The following STX11 variants were observed in gnomAD, a reference collection of about 807,000 sequenced individuals.
STX11 encodes the protein syntaxin 11.
STX11 carries 21 observed loss-of-function variants against 19.9 expected under a neutral mutation model. The ratio of observed to expected loss-of-function variants is 1.06; its 90% CI spans 0.75 to 1.52. The LOEUF (loss-of-function observed/expected upper bound fraction) is 1.52, where lower values mean the gene tolerates loss of function less well. STX11 is among the 40% of genes most tolerant of loss of function. The probability of loss-of-function intolerance (pLI) is 0.00; values close to 1 mark genes in which losing one functional copy is unlikely to be tolerated. For missense variants in STX11, 438 were observed against 405.9 expected, an observed-to-expected ratio of 1.08 and a Z score of -0.68; for synonymous variants, 193 against 174.4, an observed-to-expected ratio of 1.11 and a Z score of -0.84.
rs1350753179 is a variant in STX11, at chr6:144,184,017, A to T, written c.-5-2606A>T. 6.6e-6 allele frequency among the ~76,000 whole-genome samples: 1 copy of T among 152,176 alleles called. No individual in the cohort carries two copies. Among genetic ancestry groups the T allele is most frequent in the African/African-American group, 2.4e-5 (1 of 41,422 alleles). ...CTGTTCCTGCATTAGTTTGCTGAGG[A>T]TAATGGCTTCCAGCTTCATCCATGT... On this transcript the variant is annotated intron_variant, in intron 1 of 1. Transcript: ENST00000367568. This position sits in a 1 kb window ranked among gnomAD's most constrained non-coding sequence, Gnocchi z 6.5.
At chr6:144,181,768 G>A (rs1399821135) in intron 1 of STX11, among the ~76,000 whole-genome samples, 1 of 152,106 alleles carries the variant, frequency 6.6e-6, no homozygotes, top group Non-Finnish European at 1.5e-5. Context: ...GTCACCTCTT[G>A]CAGACCGAGG....
upstream of STX11, among the ~76,000 whole-genome samples, chr6:144,146,195 G>C (rs748169642): frequency 6.6e-6 from 1 of 152,104 alleles, no homozygotes; most frequent in Non-Finnish European, 1.5e-5. The surrounding 1 kb of genome is among the most constrained non-coding windows in gnomAD (Gnocchi z 4.4). Flanking sequence ...AATTAGGAAC[G>C]GCACTAGCGT....
In STX11 at chr6:144,153,678, CTG is replaced by C. The variant is rs1801062818; in HGVS notation, c.-6+2977_-6+2978del. On this transcript the variant is annotated intron_variant, in intron 1 of 1. Transcript: ENST00000367568. This position sits in a 1 kb window ranked among gnomAD's most constrained non-coding sequence, Gnocchi z 5.0. ...TGACCCTAGGAAGACACCGTGGAAA[CTG>C]TTGTCATATTGCAGATGGGACATTG... Among the ~76,000 whole-genome samples, 1 of 152,286 alleles carries C rather than the reference CTG, an allele frequency of 6.6e-6. No homozygotes were observed. The highest frequency in any genetic ancestry group is 2.4e-5 in the African/African-American group (1 of 41,550).
Position 144,187,285 on chromosome 6 carries a change from C to A in STX11, c.658C>A (p.Arg220Ser). The A allele has an allele frequency of 6.2e-7, 1 of 1,613,090 alleles. No individual in the cohort carries two copies. The highest frequency in any genetic ancestry group is 8.5e-7 in the Non-Finnish European group (1 of 1,179,954). ...CCGCGAACTGCTGCGCCTGGAGAGCCGCATCCGCGACGTACACGAGCTCTT... is the reference window on the plus strand; with the variant it reads ...CCGCGAACTGCTGCGCCTGGAGAGCAGCATCCGCGACGTACACGAGCTCTT... The part of the protein sequence containing the change: ...RHRELLRLES[R>S]IRDVHELFLQ... The change falls in exon 2 of 2, where the codon CGC becomes AGC. Residue 220 changes from arginine (R) to serine (S), a missense_variant. By Grantham distance (110) the Arg-to-Ser change is moderately radical. Transcript: ENST00000367568. This position sits in a 1 kb window ranked among gnomAD's most constrained non-coding sequence, Gnocchi z 5.6.
intron 1 of STX11, among the ~76,000 whole-genome samples, chr6:144,181,133 T>C (rs1300545546): frequency 6.6e-6 from 1 of 152,210 alleles, no homozygotes; most frequent in Non-Finnish European, 1.5e-5. Context: ...TTAGCCTCCA[T>C]ACCAGGGAGC....
upstream of STX11, among the ~76,000 whole-genome samples, chr6:144,148,134 C>A (rs1488630400): frequency 6.6e-6 from 1 of 152,180 alleles, no homozygotes; most frequent in Admixed American, 6.5e-5. Context: ...GATAAACATT[C>A]TTCAGTCTTC....
rs1204500898 is a variant in STX11, at chr6:144,154,581, T to C, written c.-6+3878T>C. On this transcript the variant is annotated intron_variant, in intron 1 of 1. Transcript: ENST00000367568. This position sits in a 1 kb window ranked among gnomAD's most constrained non-coding sequence, Gnocchi z 4.7. ...AATGTTTTGTTGCTAAGATTTTCCATAGGGAAGCAGAAAGGCTAGCAAGGG... is the reference window on the plus strand; with the variant it reads ...AATGTTTTGTTGCTAAGATTTTCCACAGGGAAGCAGAAAGGCTAGCAAGGG... Among the ~76,000 whole-genome samples the C allele has an allele frequency of 1.3e-5, 2 of 152,148 alleles. No individual in the cohort carries two copies. The highest frequency in any genetic ancestry group is 2.9e-5 in the Non-Finnish European group (2 of 68,024).
chr6:144,179,683 T>C (rs1006814131), intron 1 of STX11, among the ~76,000 whole-genome samples: 1 of 152,206 alleles, frequency 6.6e-6, no homozygotes, highest in African/African-American at 2.4e-5. Flanking sequence ...CTCACCAGGA[T>C]GCATGCCCTT....
the STX11 span, among the ~76,000 whole-genome samples, chr6:144,143,620 C>T: frequency 6.6e-6 from 1 of 152,114 alleles, no homozygotes; most frequent in South Asian, 2.1e-4. Context: ...ATTCCCTGCC[C>T]CTGTCCTCCT....
rs1485529862 is a variant in STX11, at chr6:144,183,353, G to T, written c.-5-3270G>T. ...GTAGAAGCCAGGACCTCATTATTGT[G>T]CATTTAACTTATTTCTGAATTTCTG... is the stretch of plus-strand genomic sequence containing the variant. On this transcript the variant is annotated intron_variant, in intron 1 of 1. Coordinates refer to ENST00000367568, the MANE Select transcript of STX11 (RefSeq NM_003764.4). This position sits in a 1 kb window ranked among gnomAD's most constrained non-coding sequence, Gnocchi z 4.6. Among the ~76,000 whole-genome samples, 2 of 152,162 alleles carry T rather than the reference G, an allele frequency of 1.3e-5. No individual in the cohort carries two copies. The highest frequency in any genetic ancestry group is 4.8e-5 in the African/African-American group (2 of 41,432).
intron 1 of STX11, among the ~76,000 whole-genome samples, chr6:144,185,207 T>C (rs1052302881): frequency 7.9e-5 from 12 of 152,236 alleles, no homozygotes; most frequent in African/African-American, 2.9e-4. Context: ...TGAAAGGCCG[T>C]GGTTAATATT....
chr6:144,148,694 T>C (rs546620133), upstream of STX11, among the ~76,000 whole-genome samples: 8 of 152,332 alleles, frequency 5.3e-5, no homozygotes, highest in East Asian at 1.5e-3. Context: ...GGATACCACA[T>C]TACATTTAGT....
intron 1 of STX11, among the ~76,000 whole-genome samples, chr6:144,173,595 G>A (rs992697899): frequency 2.6e-5 from 4 of 152,084 alleles, no homozygotes; most frequent in Non-Finnish European, 5.9e-5. Flanking sequence ...TCTCTATCGT[G>A]CAGAACTTCT....
In STX11 at chr6:144,151,534, T is replaced by TG. The variant is rs1801006782; in HGVS notation, c.-6+833dup. The TG allele has an allele frequency of 1.5e-6, 1 of 652,346 alleles. No homozygotes were observed. The highest frequency in any genetic ancestry group is 2.0e-5 in the African/African-American group (1 of 50,630). The allele number at this position is 652,346 out of a possible 1,614,324, so 40.4% of individuals were successfully genotyped here. A position where few individuals can be genotyped will look rare whatever the true frequency, so the allele number is the denominator to read the frequency against. ...TGCCTGCCCTGCCAACCTGGGGCAG[T>TG]GGTATGGGAAGTGACGATTGAGTTT... On this transcript the variant is annotated intron_variant, in intron 1 of 1. Transcript: ENST00000367568. The surrounding 1 kb of genome is among the most constrained non-coding windows in gnomAD (Gnocchi z 4.6).
In STX11 at chr6:144,186,890, C is replaced by T; in HGVS notation, c.263C>T (p.Ser88Phe). The T allele has an allele frequency of 6.2e-7, 1 of 1,612,138 alleles. No individual in the cohort carries two copies. Among genetic ancestry groups the T allele is most frequent in the South Asian group, 1.1e-5 (1 of 91,084 alleles). The change falls in exon 2 of 2, where the codon TCC (serine) becomes TTC (phenylalanine). Residue 88 changes from serine (S) to phenylalanine (F), a missense_variant. Transcript: ENST00000367568. Reference protein sequence around the residue: ...RLSSIKRDTNSIAKAIKARGE... With the variant: ...RLSSIKRDTNFIAKAIKARGE... ...AGCAGCATCAAGCGCGACACCAACT[C>T]CATCGCCAAGGCCATCAAGGCCCGG...
chr6:144,182,998 A>C lies in STX11; in HGVS notation c.-5-3625A>C, dbSNP rs1321837738. Among the ~76,000 whole-genome samples, 1 of 152,246 alleles carries C rather than the reference A, an allele frequency of 6.6e-6. No homozygotes were observed. Among genetic ancestry groups the C allele is most frequent in the African/African-American group, 2.4e-5 (1 of 41,456 alleles). On this transcript the variant is annotated intron_variant, in intron 1 of 1. Transcript: ENST00000367568. This position sits in a 1 kb window ranked among gnomAD's most constrained non-coding sequence, Gnocchi z 4.8. The stretch of plus-strand genomic sequence containing the variant: ...TTTCCCCAGGTAGCATAAAATGTTA[A>C]CTTGATTGCCATGCATAGACTTTTA...
chr6:144,182,099 G>C lies in STX11; in HGVS notation c.-5-4524G>C, dbSNP rs959899183. ...GACAGGAAGGTCAGTGGAATTGTCT[G>C]ATTTTTCTTTCTCATTTACCATAGT... On this transcript the variant is annotated intron_variant, in intron 1 of 1. Transcript: ENST00000367568. The surrounding 1 kb of genome is among the most constrained non-coding windows in gnomAD (Gnocchi z 4.8). Among the ~76,000 whole-genome samples, 2 of 152,128 alleles carry C rather than the reference G, an allele frequency of 1.3e-5. No individual in the cohort carries two copies. The highest frequency in any genetic ancestry group is 2.9e-5 in the Non-Finnish European group (2 of 68,026).
At chr6:144,178,413 T>C (rs758776107) in intron 1 of STX11, among the ~76,000 whole-genome samples, 13 of 152,240 alleles carry the variant, frequency 8.5e-5, no homozygotes, top group Non-Finnish European at 1.6e-4. Flanking sequence ...GAGTAGCTGC[T>C]TTGATTTCCC....
At position 144,151,827 on chromosome 6, in the gene STX11, G is replaced by A. The variant is rs1458959039; in HGVS notation, c.-6+1124G>A. 6.6e-6 allele frequency among the ~76,000 whole-genome samples: 1 copy of A among 152,172 alleles called. No homozygotes were observed. The highest frequency in any genetic ancestry group is 2.4e-5 in the African/African-American group (1 of 41,434). On this transcript the variant is annotated intron_variant, in intron 1 of 1. Transcript: ENST00000367568. The surrounding 1 kb of genome is among the most constrained non-coding windows in gnomAD (Gnocchi z 4.6). Reference sequence around the variant, plus strand: ...AAAACCACATGATGATTTTTGAAGCGGGTGGGTCCCAGCGGGAGCAGAGAA... The same window carrying A: ...AAAACCACATGATGATTTTTGAAGCAGGTGGGTCCCAGCGGGAGCAGAGAA...
Sources: allele counts gnomAD v4.1 joint callset (sites outside exome capture counted in the v4.1 genomes callset), GRCh38; gene constraint gnomAD v4.1.1; non-coding constraint Gnocchi (gnomAD v3.1); transcripts MANE v1.5; gene names NCBI Gene and HGNC (gene_info 2026-07-23, HGNC 2026-07-21).